The following CACNA1E variants were observed in gnomAD, a reference collection of about 807,000 sequenced individuals.
The protein encoded by CACNA1E is calcium voltage-gated channel subunit alpha1 E, also known as voltage-dependent R-type calcium channel subunit alpha-1E.
Under a neutral mutation model 259.2 loss-of-function variants are expected in CACNA1E, and 40 were observed. The observed-to-expected ratio is 0.15, with a 90% CI of 0.12 to 0.20. The LOEUF (loss-of-function observed/expected upper bound fraction) is 0.20, where lower values mean the gene tolerates loss of function less well. Among genes scored for constraint, CACNA1E ranks in the 10% least tolerant of loss-of-function variants. CACNA1E has a pLI of 1.00. For synonymous variants in CACNA1E, 1,104 were observed against 1,138.5 expected (o/e 0.97, Z 0.61); for missense variants, 1,874 against 3,040.1 (o/e 0.62, Z 9.02).
At position 181,752,624 on chromosome 1, in the gene CACNA1E, C is replaced by T. The variant is rs139384045; in HGVS notation, c.3828+385C>T. Among the ~76,000 whole-genome samples, 314 of 152,190 alleles carry T rather than the reference C, an allele frequency of 2.1e-3. 2 individuals carry two copies. The highest frequency in any genetic ancestry group is 7.8e-3 in the Admixed American group (120 of 15,292). ...TTCTGGTCTGCATATTTTTTAAGGCCGAGTATCCTGGGACATTTTCTTTTT... is the reference window on the plus strand; with the variant it reads ...TTCTGGTCTGCATATTTTTTAAGGCTGAGTATCCTGGGACATTTTCTTTTT... On this transcript the variant is annotated intron_variant, in intron 27 of 47. Transcript: ENST00000367573.
At chr1:181,609,429 T>G (rs1654540184) in intron 6 of CACNA1E, among the ~76,000 whole-genome samples, 1 of 152,002 alleles carries the variant, frequency 6.6e-6, no homozygotes, top group Non-Finnish European at 1.5e-5. Flanking sequence ...TCAAGATGTT[T>G]GGGAAGGATG....
chr1:181,603,594 G>A (rs925400863), intron 6 of CACNA1E, among the ~76,000 whole-genome samples: 12 of 125,868 alleles, frequency 9.5e-5, no homozygotes, highest in South Asian at 2.7e-4. Flanking sequence ...GCACCTACCC[G>A]GAGACTTTGC....
intron 7 of CACNA1E, among the ~76,000 whole-genome samples, chr1:181,688,133 A>G (rs1650772747): frequency 6.6e-6 from 1 of 152,244 alleles, no homozygotes; most frequent in Non-Finnish European, 1.5e-5. Context: ...CTTAAGTGAT[A>G]GAACATTACT....
chr1:181,519,647 G>A (rs1437730997), intron 3 of CACNA1E, among the ~76,000 whole-genome samples: 1 of 152,134 alleles, frequency 6.6e-6, no homozygotes, highest in Non-Finnish European at 1.5e-5. Context: ...GGGTCTTTTA[G>A]ATGGGGTGTG....
At chr1:181,486,076 G>C (rs1663787011) in intron 1 of CACNA1E, among the ~76,000 whole-genome samples, 1 of 152,190 alleles carries the variant, frequency 6.6e-6, no homozygotes, top group Non-Finnish European at 1.5e-5. Flanking sequence ...TTTCTCTTCC[G>C]CTGCAAAGAC....
At chr1:181,390,539 A>G (rs1367569548) in intron 1 of CACNA1E, among the ~76,000 whole-genome samples, 1 of 152,116 alleles carries the variant, frequency 6.6e-6, no homozygotes, top group African/African-American at 2.4e-5. Flanking sequence ...GCTGCCCGTA[A>G]GTAGGAGAGT....
At chr1:181,605,684 C>T (rs1654167695) in intron 6 of CACNA1E, among the ~76,000 whole-genome samples, 1 of 152,140 alleles carries the variant, frequency 6.6e-6, no homozygotes, top group African/African-American at 2.4e-5. Context: ...TGCCACTGCC[C>T]AGAGTCTGGG....
chr1:181,372,054 G>A (rs560618219), intron 1 of CACNA1E, among the ~76,000 whole-genome samples: 1 of 152,182 alleles, frequency 6.6e-6, no homozygotes, highest in African/African-American at 2.4e-5. Flanking sequence ...TGTTCTTTTT[G>A]CTTGGGATTA....
intron 1 of CACNA1E, among the ~76,000 whole-genome samples, chr1:181,399,752 G>A (rs1656957819): frequency 6.6e-6 from 1 of 152,246 alleles, no homozygotes; most frequent in African/African-American, 2.4e-5. Flanking sequence ...AGTGAGGACA[G>A]TGTTTCCCAA....
At chr1:181,578,432 C>T (rs1651192087) in intron 4 of CACNA1E, among the ~76,000 whole-genome samples, 1 of 152,120 alleles carries the variant, frequency 6.6e-6, no homozygotes, top group African/African-American at 2.4e-5. Flanking sequence ...CTGAGCATGG[C>T]AGCTCACTCC....
intron 7 of CACNA1E, among the ~76,000 whole-genome samples, chr1:181,677,371 A>G (rs1197559160): frequency 6.6e-6 from 1 of 152,238 alleles, no homozygotes; most frequent in Non-Finnish European, 1.5e-5. Context: ...ACTGCTATAC[A>G]TGATTAGAAA....
intron 1 of CACNA1E, among the ~76,000 whole-genome samples, chr1:181,507,051 C>CAA (rs11286400): frequency 2.7e-5 from 4 of 147,490 alleles, no homozygotes; most frequent in African/African-American, 7.5e-5. Context: ...AAATGTAAAG[C>CAA]AAAAAAAAAA....
chr1:181,452,055 G>T (rs1661188015), intron 2 of CACNA1E, among the ~76,000 whole-genome samples: 1 of 152,236 alleles, frequency 6.6e-6, no homozygotes, highest in Admixed American at 6.5e-5. Context: ...GAGTAAGGGG[G>T]CTAATTGTTT....
At chr1:181,621,466 A>G (rs1437855644) in intron 6 of CACNA1E, among the ~76,000 whole-genome samples, 2 of 152,214 alleles carry the variant, frequency 1.3e-5, no homozygotes, top group African/African-American at 4.8e-5. Context: ...ACATTCACCA[A>G]TTAGGTGCTT....
At chr1:181,787,245 G>C in intron 43 of CACNA1E, among the ~76,000 whole-genome samples, 1 of 151,860 alleles carries the variant, frequency 6.6e-6, no homozygotes, top group East Asian at 1.9e-4. Flanking sequence ...TCAGCCTCCC[G>C]AGTAGCTGGG....
intron 3 of CACNA1E, among the ~76,000 whole-genome samples, chr1:181,574,512 C>G (rs1650747106): frequency 6.6e-6 from 1 of 152,162 alleles, no homozygotes. Context: ...TTCAATTCAT[C>G]AAGCCTTTAT....
chr1:181,747,178 T>TC (rs1657167196), intron 25 of CACNA1E, among the ~76,000 whole-genome samples: 1 of 152,206 alleles, frequency 6.6e-6, no homozygotes, highest in Admixed American at 6.5e-5. Flanking sequence ...CCTGAGCTAT[T>TC]CCCCGCTCAT....
At chr1:181,582,239 G>A (rs944872458) in intron 6 of CACNA1E, among the ~76,000 whole-genome samples, 7 of 152,232 alleles carry the variant, frequency 4.6e-5, no homozygotes, top group African/African-American at 1.7e-4. Context: ...GCAAGCCCAG[G>A]GATGAAGTGT....
chr1:181,418,464 G>A (rs563323027), intron 2 of CACNA1E, among the ~76,000 whole-genome samples: 7 of 152,256 alleles, frequency 4.6e-5, no homozygotes, highest in Middle Eastern at 3.4e-3. Flanking sequence ...CTCTTGCCCA[G>A]TCCCAGACCT....
Sources: gnomAD v4.1 joint callset for allele counts (sites outside exome capture counted in the v4.1 genomes callset) on GRCh38, gnomAD v4.1.1 for gene constraint, MANE v1.5 for transcripts, NCBI Gene and HGNC (gene_info 2026-07-23, HGNC 2026-07-21) for gene names.